The following CLEC16A variants were observed in gnomAD, a reference collection of about 807,000 sequenced individuals.
CLEC16A encodes protein CLEC16A.
In CLEC16A, 51 loss-of-function variants were observed where a neutral mutation model predicts 109.5. The ratio of observed to expected loss-of-function variants is 0.47; its 90% CI spans 0.37 to 0.59. The LOEUF is 0.59. CLEC16A is among the 20% of genes least tolerant of loss of function. The pLI is 0.00. For missense variants in CLEC16A, 1,339 were observed against 1,394.0 expected (o/e 0.96, Z 0.63); for synonymous variants, 673 against 564.2 (o/e 1.19, Z -2.73).
chr16:11,050,737 A>G (rs1311789257), intron 17 of CLEC16A, among the ~76,000 whole-genome samples: 2 of 152,194 alleles, frequency 1.3e-5, no homozygotes, highest in Non-Finnish European at 2.9e-5. Context: ...CTCTGAGCTC[A>G]GTGTCCCTTT....
chr16:10,946,845 AG>A (rs1254882838), intron 1 of CLEC16A, among the ~76,000 whole-genome samples: 2 of 152,244 alleles, frequency 1.3e-5, no homozygotes, highest in Admixed American at 6.5e-5. Flanking sequence ...ACTAAGGTTC[AG>A]GGGGCTTCAG....
rs78736578 is a variant in CLEC16A at position 11,179,548 on chromosome 16, C to A, written c.*858C>A. 6.6e-6 allele frequency: 1 copy of A among 152,226 alleles called. No individual in the cohort carries two copies. Among genetic ancestry groups the A allele is most frequent in the Non-Finnish European group, 1.5e-5 (1 of 68,060 alleles). The allele number at this position is 152,226 out of a possible 1,614,324, so 9.4% of individuals were successfully genotyped here. ...AAGGAGGAATGTAGCCAGCTCCCCA[C>A]TCAGGACGCTTCCTCATTTCTCTTC... On this transcript the variant is annotated 3_prime_UTR_variant, in exon 24 of 24. Transcript: ENST00000409790.
intron 1 of CLEC16A, among the ~76,000 whole-genome samples, chr16:10,946,836 C>T (rs2041404831): frequency 6.6e-6 from 1 of 152,194 alleles, no homozygotes; most frequent in South Asian, 2.1e-4. Flanking sequence ...GAAGTGGAAA[C>T]TAAGGTTCAG....
intron 10 of CLEC16A, among the ~76,000 whole-genome samples, chr16:10,999,353 C>A: frequency 6.6e-6 from 1 of 152,060 alleles, no homozygotes. Context: ...TTTTTTAATT[C>A]CCCCAAGATG....
At chr16:11,156,071 G>C (rs573756490) in intron 22 of CLEC16A, among the ~76,000 whole-genome samples, 2 of 152,128 alleles carry the variant, frequency 1.3e-5, no homozygotes, top group Non-Finnish European at 2.9e-5. Flanking sequence ...GGAAGAATCT[G>C]GCGCTCCTGG....
At chr16:11,018,291 A>ACT (rs2045884872) in intron 11 of CLEC16A, among the ~76,000 whole-genome samples, 1 of 72,722 alleles carries the variant, frequency 1.4e-5, no homozygotes, top group Non-Finnish European at 2.9e-5. Flanking sequence ...TCAAAAAAGA[A>ACT]AAAAAAAAAA....
chr16:11,170,663 C>T (rs1321443149), intron 23 of CLEC16A, among the ~76,000 whole-genome samples: 1 of 152,156 alleles, frequency 6.6e-6, no homozygotes, highest in African/African-American at 2.4e-5. Context: ...ATCTTATCTT[C>T]CCTGGGTTTG....
chr16:11,003,786 T>C (rs956582081), intron 11 of CLEC16A, among the ~76,000 whole-genome samples: 6 of 152,110 alleles, frequency 3.9e-5, no homozygotes, highest in African/African-American at 1.4e-4. Context: ...AACCTGGGGT[T>C]ATGATTTGCA....
At chr16:11,122,306 T>C (rs1317460782) in intron 20 of CLEC16A, among the ~76,000 whole-genome samples, 1 of 152,252 alleles carries the variant, frequency 6.6e-6, no homozygotes, top group East Asian at 1.9e-4. Context: ...GAATCTTTCA[T>C]TTAAAAGAAA....
intron 11 of CLEC16A, among the ~76,000 whole-genome samples, chr16:11,008,046 C>G (rs964802312): frequency 6.6e-6 from 1 of 152,076 alleles, no homozygotes; most frequent in African/African-American, 2.4e-5. Flanking sequence ...GGAAGGGCTG[C>G]CCCCAGTACT....
chr16:11,032,242 G>T (rs1007737237), intron 13 of CLEC16A, among the ~76,000 whole-genome samples: 1 of 152,196 alleles, frequency 6.6e-6, no homozygotes, highest in East Asian at 1.9e-4. Context: ...CCGAGGCAGC[G>T]GGTGCCCCAA....
chr16:10,962,349 G>A, intron 2 of CLEC16A, 106 bp from the exon 3 acceptor site: 2 of 1,384,004 alleles, frequency 1.4e-6, no homozygotes, highest in Admixed American at 3.4e-5. Flanking sequence ...AGATACCTTG[G>A]GGGAGAGGGG....
intron 16 of CLEC16A, among the ~76,000 whole-genome samples, chr16:11,045,670 G>A (rs566862525): frequency 1.3e-5 from 2 of 152,160 alleles, no homozygotes; most frequent in East Asian, 3.9e-4. Flanking sequence ...TTTCTAGTTT[G>A]CTGGCCTCCG....
intron 22 of CLEC16A, among the ~76,000 whole-genome samples, chr16:11,160,438 C>G: frequency 6.6e-6 from 1 of 152,158 alleles, no homozygotes; most frequent in Middle Eastern, 3.2e-3. Context: ...AGTCCACTTG[C>G]ACCACATGGG....
At chr16:11,017,067 A>C (rs2045801590) in intron 11 of CLEC16A, among the ~76,000 whole-genome samples, 1 of 150,930 alleles carries the variant, frequency 6.6e-6, no homozygotes, top group African/African-American at 2.4e-5. Flanking sequence ...CAGTCTGGGG[A>C]GAGTCTCTTG....
intron 18 of CLEC16A, among the ~76,000 whole-genome samples, chr16:11,055,773 A>T (rs1192840082): frequency 6.7e-6 from 1 of 150,208 alleles, no homozygotes. Context: ...TTTAGTAGAG[A>T]CTGGGTTTCC....
At chr16:11,007,146 C>G (rs570002194) in intron 11 of CLEC16A, among the ~76,000 whole-genome samples, 10 of 152,238 alleles carry the variant, frequency 6.6e-5, no homozygotes, top group African/African-American at 2.4e-4. Flanking sequence ...TAGGGCTGGA[C>G]TACTGTTTTT....
At chr16:10,949,769 C>T (rs995404191) in intron 1 of CLEC16A, among the ~76,000 whole-genome samples, 2 of 152,072 alleles carry the variant, frequency 1.3e-5, no homozygotes, top group African/African-American at 4.8e-5. Flanking sequence ...GGAGGTGGGC[C>T]TCCACATGTG....
At chr16:11,063,055 A>G (rs1450988534) in intron 19 of CLEC16A, among the ~76,000 whole-genome samples, 4 of 152,136 alleles carry the variant, frequency 2.6e-5, no homozygotes, top group African/African-American at 4.8e-5. Context: ...TCACTTATCA[A>G]TTTTAATTGA....
Sources: allele counts gnomAD v4.1 joint callset (sites outside exome capture counted in the v4.1 genomes callset), GRCh38; gene constraint gnomAD v4.1.1; transcripts MANE v1.5; gene names NCBI Gene and HGNC (gene_info 2026-07-23, HGNC 2026-07-21).